Variants in RAD54B observed in about 807,000 individuals in gnomAD.
RAD54B encodes the protein RAD54 homolog B.
Under a neutral mutation model 95.8 loss-of-function variants are expected in RAD54B, and 78 were observed. The observed-to-expected ratio is 0.81, with a 90% CI of 0.68 to 0.98. The LOEUF is 0.98. RAD54B is among the 50% of genes least tolerant of loss of function. RAD54B has a pLI of 0.00. For synonymous variants in RAD54B, 328 were observed against 354.9 expected (o/e 0.92, Z 0.85); for missense variants, 957 against 1,056.6 (o/e 0.91, Z 1.31).
chr8:94,417,065 A>G (rs1440459621), intron 3 of RAD54B, among the ~76,000 whole-genome samples: 1 of 152,172 alleles, frequency 6.6e-6, no homozygotes, highest in Non-Finnish European at 1.5e-5. Flanking sequence ...AAAAAGAACA[A>G]AGTACTAATA....
intron 3 of RAD54B, chr8:94,430,763 A>T: frequency 1.0e-6 from 1 of 983,494 alleles, no homozygotes; most frequent in Non-Finnish European, 1.2e-6. Context: ...TTCCTCATTA[A>T]AAAATGCAGA....
intron 3 of RAD54B, among the ~76,000 whole-genome samples, chr8:94,447,099 T>C (rs749942455): frequency 2.0e-5 from 3 of 152,176 alleles, no homozygotes; most frequent in Non-Finnish European, 4.4e-5. Flanking sequence ...TTGGTGGTGA[T>C]ATTCTGTGAT....
In RAD54B at chr8:94,391,890, C is replaced by T. The variant is rs774747199; in HGVS notation, c.1528G>A (p.Glu510Lys). ...TCAGCTGCTCTTCTTTCTCCTAACT[C>T]CTTTTCTTCCTATGGAAAAATAGCA... is the stretch of plus-strand genomic sequence containing the variant. ...REPSASEEEK[E>K]LGERRAAELT... Residue 510 changes from glutamate (E) to lysine (K), a missense_variant, in exon 10 of 15, where the codon GAG becomes AAG. Physicochemically the swap from Glu to Lys is moderately conservative, Grantham distance 56 (BLOSUM62 1). Transcript: ENST00000336148. 27 of 1,596,828 alleles carry T rather than the reference C, an allele frequency of 1.7e-5. No individual in the cohort carries two copies. Among genetic ancestry groups the T allele is most frequent in the Non-Finnish European group, 2.3e-5 (27 of 1,174,466 alleles).
In RAD54B at chr8:94,428,598, AC is replaced by A. The variant is rs1351339120; in HGVS notation, c.305-17284del. 3.6e-5 allele frequency: 17 copies of A among 472,468 alleles called. No individual in the cohort carries two copies. In the South Asian group the frequency reaches 7.3e-4, roughly 20 times the overall value. 29.3% of individuals were successfully genotyped at this position (472,468 alleles called of 1,614,324 possible). ...AAAACTGGGGATTAGCCCAACTCCT[AC>A]CTCAGTTATACCGTCTTTTTAAATT... is the stretch of plus-strand genomic sequence containing the variant. On this transcript the variant is annotated intron_variant, in intron 3 of 14. Transcript: ENST00000336148.
chr8:94,461,755 C>A (rs749450141), intron 2 of RAD54B, among the ~76,000 whole-genome samples: 1 of 152,122 alleles, frequency 6.6e-6, no homozygotes, highest in Non-Finnish European at 1.5e-5. Flanking sequence ...TACACACACA[C>A]GTGAGAGTAA....
rs573128449 is a variant in RAD54B at position 94,381,539 on chromosome 8, G to A, written c.1986-1133C>T. On this transcript the variant is annotated intron_variant, in intron 11 of 14. Transcript: ENST00000336148. Reference sequence around the variant, plus strand: ...GAAAAAAAACAGAAGAAAACTTTCCGAAAATAATTTATGTCCTCAAACAAG... The same window carrying A: ...GAAAAAAAACAGAAGAAAACTTTCCAAAAATAATTTATGTCCTCAAACAAG... 3.9e-5 allele frequency among the ~76,000 whole-genome samples: 6 copies of A among 152,186 alleles called. No homozygotes were observed. The South Asian group carries it at 8.3e-4, about 21-fold the overall frequency.
intron 3 of RAD54B, among the ~76,000 whole-genome samples, chr8:94,423,186 A>G (rs1317647745): frequency 6.6e-6 from 1 of 152,110 alleles, no homozygotes; most frequent in African/African-American, 2.4e-5. Context: ...GATCAAGACC[A>G]TCCTGGCTAA....
intron 3 of RAD54B, among the ~76,000 whole-genome samples, chr8:94,453,852 C>T (rs1234158937): frequency 6.6e-6 from 1 of 152,032 alleles, no homozygotes; most frequent in African/African-American, 2.4e-5. Flanking sequence ...AGTGCAACGG[C>T]GCAATCTCGG....
chr8:94,436,989 G>C, intron 3 of RAD54B: 1 of 1,405,510 alleles, frequency 7.1e-7, no homozygotes. Flanking sequence ...TTAGGCCCAC[G>C]CCTACAGGGG....
chr8:94,383,928 A>G lies in RAD54B; in HGVS notation c.1985+3056T>C, dbSNP rs74697031. Among the ~76,000 whole-genome samples, 1,192 of 152,318 alleles carry G rather than the reference A, an allele frequency of 7.8e-3. 12 individuals carry two copies. Among genetic ancestry groups the G allele is most frequent in the African/African-American group, 0.027 (1,119 of 41,566 alleles). ...TGAACCCTGTGCACTGTTGGTGGAAATGAAAATGGTGCAGTCCTCTATGAA... is the reference window on the plus strand; with the variant it reads ...TGAACCCTGTGCACTGTTGGTGGAAGTGAAAATGGTGCAGTCCTCTATGAA... On this transcript the variant is annotated intron_variant, in intron 11 of 14. Transcript: ENST00000336148.
At chr8:94,463,597 T>A (rs77878463) in intron 2 of RAD54B, among the ~76,000 whole-genome samples, 2,162 of 152,064 alleles carry the variant, frequency 0.014, 51 homozygotes, top group African/African-American at 0.049. Flanking sequence ...AATGAAAACA[T>A]GGCCAAGTAT....
chr8:94,471,266 G>A (rs2130212769), intron 1 of RAD54B, among the ~76,000 whole-genome samples: 1 of 119,908 alleles, frequency 8.3e-6, no homozygotes, highest in Middle Eastern at 4.6e-3. Flanking sequence ...ATTAATGGGT[G>A]GCGGGGGGGG....
rs559973351 is a variant in RAD54B, at chr8:94,475,083, A to C, written c.-99T>G. The C allele has an allele frequency of 6.6e-6, 1 of 152,668 alleles. No individual in the cohort carries two copies. The highest frequency in any genetic ancestry group is 1.5e-5 in the Non-Finnish European group (1 of 68,390). The allele number at this position is 152,668 out of a possible 1,614,324, so 9.5% of individuals were successfully genotyped here. ...TATCCCCTCGCCGCCGGAGAAGCTC[A>C]AGGATCCCGCCTCGGCGAAGCCAAT... On this transcript the variant is annotated 5_prime_UTR_variant, in exon 1 of 15. Transcript: ENST00000336148.
intron 1 of RAD54B, among the ~76,000 whole-genome samples, chr8:94,470,310 A>C (rs1813138747): frequency 6.6e-6 from 1 of 151,958 alleles, no homozygotes; most frequent in South Asian, 2.1e-4. Context: ...AAAATATAAG[A>C]ATTTGAGGCC....
chr8:94,418,212 CT>C (rs997606286), intron 3 of RAD54B, among the ~76,000 whole-genome samples: 2 of 151,134 alleles, frequency 1.3e-5, no homozygotes, highest in Non-Finnish European at 3.0e-5. Context: ...TATTACTGGA[CT>C]TTTTTTTTAA....
chr8:94,470,590 C>T (rs1344678397), intron 1 of RAD54B, among the ~76,000 whole-genome samples: 4 of 125,730 alleles, frequency 3.2e-5, no homozygotes, highest in African/African-American at 1.1e-4. Context: ...AGCGAAACTT[C>T]GTCTAAAAAA....
At chr8:94,425,744 G>A (rs761190250) in intron 3 of RAD54B, among the ~76,000 whole-genome samples, 5 of 150,456 alleles carry the variant, frequency 3.3e-5, no homozygotes, top group African/African-American at 9.8e-5. Context: ...TTTTATAAGC[G>A]TAGCAGAGAC....
At chr8:94,459,150 C>A (rs995049007) in intron 2 of RAD54B, among the ~76,000 whole-genome samples, 1 of 151,814 alleles carries the variant, frequency 6.6e-6, no homozygotes, top group Admixed American at 6.6e-5. Context: ...TTTTAACAAG[C>A]CCCCACCTCT....
chr8:94,439,719 A>C (rs1478878347), intron 3 of RAD54B, among the ~76,000 whole-genome samples: 2 of 152,186 alleles, frequency 1.3e-5, no homozygotes, highest in Non-Finnish European at 2.9e-5. Flanking sequence ...CCAGGCTATA[A>C]ACGTTTTCTG....
Sources: gnomAD v4.1 joint callset for allele counts (sites outside exome capture counted in the v4.1 genomes callset) on GRCh38, gnomAD v4.1.1 for gene constraint, MANE v1.5 for transcripts, NCBI Gene and HGNC (gene_info 2026-07-23, HGNC 2026-07-21) for gene names.